HS2ST1: variants seen among roughly 807,000 people sequenced by gnomAD.
The protein encoded by HS2ST1 is heparan sulfate 2-O-sulfotransferase 1.
HS2ST1 carries 18 observed loss-of-function variants against 42.9 expected under a neutral mutation model. That is an observed-to-expected ratio of 0.42 (90% CI 0.29 to 0.62). The LOEUF (loss-of-function observed/expected upper bound fraction) is 0.62, where lower values mean the gene tolerates loss of function less well. Among genes scored for constraint, HS2ST1 ranks in the 20% least tolerant of loss-of-function variants. The probability of loss-of-function intolerance (pLI) is 0.21; values close to 1 mark genes in which losing one functional copy is unlikely to be tolerated. For missense variants in HS2ST1, 334 were observed against 433.8 expected, an observed-to-expected ratio of 0.77 and a Z score of 2.04; for synonymous variants, 146 against 152.9, an observed-to-expected ratio of 0.95 and a Z score of 0.33.
chr1:87,057,292 A>T (rs1449435476), intron 1 of HS2ST1, among the ~76,000 whole-genome samples: 1 of 152,164 alleles, frequency 6.6e-6, no homozygotes, highest in Non-Finnish European at 1.5e-5. Flanking sequence ...AACAATCTTT[A>T]AGTGTATAAA....
At chr1:87,016,110 C>T (rs200152974) in intron 1 of HS2ST1, among the ~76,000 whole-genome samples, 13 of 152,162 alleles carry the variant, frequency 8.5e-5, no homozygotes, top group African/African-American at 2.9e-4. Flanking sequence ...CCGCTGTGCC[C>T]GGCCTTAGCT....
At chr1:87,025,202 C>G (rs1418784232) in intron 1 of HS2ST1, among the ~76,000 whole-genome samples, 1 of 152,152 alleles carries the variant, frequency 6.6e-6, no homozygotes, top group Non-Finnish European at 1.5e-5. Context: ...AACAGGGGAC[C>G]TGCAGACTGG....
rs546503538 is a variant in HS2ST1, at chr1:87,109,773, G to C, written c.*5077G>C. 6.6e-6 allele frequency: 1 copy of C among 152,168 alleles called. No homozygotes were observed. Among genetic ancestry groups the C allele is most frequent in the Non-Finnish European group, 1.5e-5 (1 of 67,956 alleles). 9.4% of individuals were successfully genotyped at this position (152,168 alleles called of 1,614,324 possible). On this transcript the variant is annotated 3_prime_UTR_variant, in exon 7 of 7. Coordinates refer to ENST00000370550, the MANE Select transcript of HS2ST1 (RefSeq NM_012262.4). ...AAAGAGCATGGCTTGAGAATCAAAG[G>C]GATCTGCATTTAGCAATGTGATGTC...
chr1:86,988,381 G>A (rs1648851324), intron 1 of HS2ST1, among the ~76,000 whole-genome samples: 1 of 152,204 alleles, frequency 6.6e-6, no homozygotes, highest in Non-Finnish European at 1.5e-5. Flanking sequence ...CAGACATTCT[G>A]CTTTGCTTAC....
At chr1:86,980,332 G>GTAT (rs1159184993) in intron 1 of HS2ST1, among the ~76,000 whole-genome samples, 2 of 152,060 alleles carry the variant, frequency 1.3e-5, no homozygotes, top group African/African-American at 4.8e-5. Context: ...AATATTCAGT[G>GTAT]AAAATAGTAA....
At chr1:87,035,460 T>C (rs1451293561) in intron 1 of HS2ST1, among the ~76,000 whole-genome samples, 2 of 152,222 alleles carry the variant, frequency 1.3e-5, no homozygotes, top group African/African-American at 2.4e-5. Context: ...TATCACATAG[T>C]TGAGTTCATG....
chr1:87,030,227 G>A (rs1570497395), intron 1 of HS2ST1, among the ~76,000 whole-genome samples: 1 of 152,126 alleles, frequency 6.6e-6, no homozygotes, highest in East Asian at 1.9e-4. Flanking sequence ...GCTTTTATGT[G>A]CACAGAATCT....
At chr1:86,922,337 C>A (rs114133997) in intron 1 of HS2ST1, among the ~76,000 whole-genome samples, 2,347 of 151,302 alleles carry the variant, frequency 0.016, 66 homozygotes, top group African/African-American at 0.054. Context: ...TTTGCTTTAA[C>A]TTATATTTTA....
At chr1:86,991,499 C>T (rs752097734) in intron 1 of HS2ST1, among the ~76,000 whole-genome samples, 2 of 152,150 alleles carry the variant, frequency 1.3e-5, no homozygotes, top group Admixed American at 6.5e-5. Context: ...GTAATTGGTA[C>T]AATAGTAGGT....
chr1:86,961,594 C>A (rs1647845411), intron 1 of HS2ST1, among the ~76,000 whole-genome samples: 1 of 152,036 alleles, frequency 6.6e-6, no homozygotes, highest in African/African-American at 2.4e-5. Context: ...CAAATACATT[C>A]TTTTAATTGA....
At position 87,006,765 on chromosome 1, in the gene HS2ST1, A is replaced by G. The variant is rs185769949; in HGVS notation, c.125-66169A>G. 3.2e-4 allele frequency among the ~76,000 whole-genome samples: 49 copies of G among 152,250 alleles called. 1 individual carries two copies. The South Asian group carries it at 7.5e-3, about 23-fold the overall frequency. On this transcript the variant is annotated intron_variant, in intron 1 of 6. Transcript: ENST00000370550. ...CTCATAATATAAACATGCTATGATT[A>G]ATCTAAAATTTATTTCTAAATATTT...
chr1:87,056,419 T>G (rs1650970266), intron 1 of HS2ST1, among the ~76,000 whole-genome samples: 1 of 152,178 alleles, frequency 6.6e-6, no homozygotes. Context: ...GAAAATAGAT[T>G]AAGACAAGTT....
Position 87,105,098 on chromosome 1 carries a change from G to T in HS2ST1, c.*402G>T, listed in dbSNP as rs145483411. 5.2e-4 allele frequency: 93 copies of T among 177,872 alleles called. 1 individual carries two copies. The East Asian group carries it at 0.013, about 25-fold the overall frequency. 11.0% of individuals were successfully genotyped at this position (177,872 alleles called of 1,614,324 possible). A position where few individuals can be genotyped will look rare whatever the true frequency, so the allele number is the denominator to read the frequency against. On this transcript the variant is annotated 3_prime_UTR_variant, in exon 7 of 7. Transcript: ENST00000370550. The stretch of plus-strand genomic sequence containing the variant: ...TTTGCCTCTTCTGCCTTCACTGAGG[G>T]TTTGGGTTATACACCTCTACTGAAT...
At chr1:86,957,667 T>TAA (rs371884096) in intron 1 of HS2ST1, among the ~76,000 whole-genome samples, 3 of 151,290 alleles carry the variant, frequency 2.0e-5, no homozygotes, top group African/African-American at 7.3e-5. Context: ...TGAGCTCACT[T>TAA]AAAAAAAAAT....
intron 3 of HS2ST1, among the ~76,000 whole-genome samples, chr1:87,089,154 G>T (rs1261732503): frequency 6.6e-6 from 1 of 151,858 alleles, no homozygotes; most frequent in Non-Finnish European, 1.5e-5. Context: ...AACCATTATT[G>T]TTGTTCATTT....
chr1:87,082,123 A>C (rs980877283), intron 2 of HS2ST1, among the ~76,000 whole-genome samples: 1 of 152,246 alleles, frequency 6.6e-6, no homozygotes, highest in African/African-American at 2.4e-5. Flanking sequence ...ATGAGCAACT[A>C]TATGCCAATA....
intron 1 of HS2ST1, chr1:87,045,025 G>T: frequency 7.0e-7 from 1 of 1,437,670 alleles, no homozygotes; most frequent in Non-Finnish European, 9.8e-7. Context: ...TTCCTCTTGC[G>T]GCTTCTCTCT....
chr1:86,936,000 T>G (rs1660645953), intron 1 of HS2ST1, among the ~76,000 whole-genome samples: 1 of 152,152 alleles, frequency 6.6e-6, no homozygotes, highest in African/African-American at 2.4e-5. Flanking sequence ...ACTATAGACC[T>G]TATTTAGATT....
intron 1 of HS2ST1, among the ~76,000 whole-genome samples, chr1:87,039,330 G>A (rs959043953): frequency 6.6e-6 from 1 of 152,206 alleles, no homozygotes; most frequent in African/African-American, 2.4e-5. Flanking sequence ...GAACCGGTCA[G>A]GGCGCGGTGT....
Sources: allele counts gnomAD v4.1 joint callset (sites outside exome capture counted in the v4.1 genomes callset), GRCh38; gene constraint gnomAD v4.1.1; transcripts MANE v1.5; gene names NCBI Gene and HGNC (gene_info 2026-07-23, HGNC 2026-07-21).